The following NKAIN2 variants were observed in gnomAD, a reference collection of about 807,000 sequenced individuals.
The protein encoded by NKAIN2 is sodium/potassium-transporting ATPase subunit beta-1-interacting protein 2.
In NKAIN2, 14 loss-of-function variants were observed where a neutral mutation model predicts 32.6. The observed-to-expected ratio is 0.43, with a 90% CI of 0.28 to 0.67. NKAIN2 has a LOEUF of 0.67. NKAIN2 is among the 30% of genes least tolerant of loss of function. NKAIN2 has a pLI of 0.17. For synonymous variants in NKAIN2, 80 were observed against 87.2 expected (o/e 0.92, Z 0.46); for missense variants, 198 against 258.3 (o/e 0.77, Z 1.60).
At chr6:124,508,560 G>T (rs1474349300) in intron 3 of NKAIN2, among the ~76,000 whole-genome samples, 2 of 151,868 alleles carry the variant, frequency 1.3e-5, no homozygotes, top group African/African-American at 4.8e-5. Flanking sequence ...AGCCAGAATG[G>T]TCTCGATCTC....
At chr6:123,904,627 G>T (rs898353149) in intron 1 of NKAIN2, among the ~76,000 whole-genome samples, 1 of 152,220 alleles carries the variant, frequency 6.6e-6, no homozygotes, top group Non-Finnish European at 1.5e-5. Context: ...GGGGAAGGGG[G>T]TGAGAAAGAT....
chr6:124,779,788 G>A (rs1490648049), intron 4 of NKAIN2, among the ~76,000 whole-genome samples: 1 of 152,104 alleles, frequency 6.6e-6, no homozygotes, highest in Non-Finnish European at 1.5e-5. Context: ...GTGCTACCCA[G>A]ATGATTCACA....
chr6:123,873,720 T>G (rs1351805189), intron 1 of NKAIN2, among the ~76,000 whole-genome samples: 1 of 152,104 alleles, frequency 6.6e-6, no homozygotes, highest in Non-Finnish European at 1.5e-5. Context: ...AAGAGTGAAC[T>G]CACAGATTCC....
intron 4 of NKAIN2, among the ~76,000 whole-genome samples, chr6:124,748,813 C>A (rs147230786): frequency 5.1e-4 from 76 of 150,252 alleles, no homozygotes; most frequent in African/African-American, 1.8e-3. Flanking sequence ...AGTTGAGAAC[C>A]ATTTGCTACT....
At chr6:124,371,811 A>C (rs1181412954) in intron 3 of NKAIN2, among the ~76,000 whole-genome samples, 1 of 151,860 alleles carries the variant, frequency 6.6e-6, no homozygotes, top group Non-Finnish European at 1.5e-5. Flanking sequence ...AATGTGATTT[A>C]TGAGGGTTAC....
rs887656970 is a variant in NKAIN2 at position 124,405,622 on chromosome 6, C to T, written c.273+50275C>T. On this transcript the variant is annotated intron_variant, in intron 3 of 6. Transcript: ENST00000368417. Reference sequence around the variant, plus strand: ...CTCAAACTCCTGGGCTCAAGTTGTCCTCCCGACTCTGCCTCCCGAAGAGCT... The same window carrying T: ...CTCAAACTCCTGGGCTCAAGTTGTCTTCCCGACTCTGCCTCCCGAAGAGCT... Among the ~76,000 whole-genome samples the T allele has an allele frequency of 2.6e-5, 4 of 150,986 alleles. No individual in the cohort carries two copies. The East Asian group carries it at 5.8e-4, about 22-fold the overall frequency.
chr6:124,270,035 C>T (rs116121680), intron 1 of NKAIN2, among the ~76,000 whole-genome samples: 1,546 of 152,286 alleles, frequency 0.01, 26 homozygotes, highest in African/African-American at 0.035. Context: ...GATGCTTTCA[C>T]TTGAGGAAGG....
At chr6:124,526,138 T>G (rs1433824267) in intron 3 of NKAIN2, among the ~76,000 whole-genome samples, 1 of 151,846 alleles carries the variant, frequency 6.6e-6, no homozygotes. Flanking sequence ...TATATAAAGG[T>G]GCAAAAGCAA....
chr6:124,744,963 T>C lies in NKAIN2; in HGVS notation c.475-46376T>C, dbSNP rs17052327. 1.0e-3 allele frequency among the ~76,000 whole-genome samples: 157 copies of C among 151,918 alleles called. 1 individual carries two copies. The highest frequency in any genetic ancestry group is 6.8e-3 in the Middle Eastern group (2 of 294). ...ACTCCACTTTCCAGTAAAGGGCAAA[T>C]GTCTCACACAATTAACAAAGATTCC... is the stretch of plus-strand genomic sequence containing the variant. On this transcript the variant is annotated intron_variant, in intron 4 of 6. Transcript: ENST00000368417.
At chr6:123,917,592 G>T (rs1174485843) in intron 1 of NKAIN2, among the ~76,000 whole-genome samples, 1 of 152,090 alleles carries the variant, frequency 6.6e-6, no homozygotes, top group Non-Finnish European at 1.5e-5. Context: ...TTGGCACATT[G>T]CCCTTCTGTG....
At chr6:124,811,814 C>A (rs997263278) in intron 5 of NKAIN2, among the ~76,000 whole-genome samples, 2 of 152,234 alleles carry the variant, frequency 1.3e-5, no homozygotes, top group African/African-American at 4.8e-5. Context: ...CCAAACTTAT[C>A]AAATTGCACA....
In NKAIN2 at chr6:124,019,046, G is replaced by A. The variant is rs568308878; in HGVS notation, c.54+214792G>A. 2.3e-3 allele frequency among the ~76,000 whole-genome samples: 348 copies of A among 152,246 alleles called. 2 individuals carry two copies. The highest frequency in any genetic ancestry group is 7.9e-3 in the African/African-American group (330 of 41,542). ...AAGCAAAGGCATGTCTTCCATGGTG[G>A]CAGGCAAGAGGGAGTGTGAAGGAGA... On this transcript the variant is annotated intron_variant, in intron 1 of 6. Coordinates refer to ENST00000368417, the MANE Select transcript of NKAIN2 (RefSeq NM_001040214.3).
At chr6:124,034,024 A>T (rs1444417530) in intron 1 of NKAIN2, among the ~76,000 whole-genome samples, 1 of 152,088 alleles carries the variant, frequency 6.6e-6, no homozygotes, top group East Asian at 1.9e-4. Flanking sequence ...CATTTTTATA[A>T]TAATATTACT....
intron 1 of NKAIN2, among the ~76,000 whole-genome samples, chr6:124,159,230 T>G (rs1788146982): frequency 6.6e-6 from 1 of 152,198 alleles, no homozygotes; most frequent in Non-Finnish European, 1.5e-5. Context: ...GAATTTTATT[T>G]TTTAGTTTTG....
chr6:124,606,808 T>C (rs1782517983), intron 3 of NKAIN2, among the ~76,000 whole-genome samples: 1 of 152,146 alleles, frequency 6.6e-6, no homozygotes, highest in South Asian at 2.1e-4. Context: ...GATCACTCTG[T>C]TCACATCATC....
At chr6:124,365,202 T>G (rs1799471243) in intron 3 of NKAIN2, among the ~76,000 whole-genome samples, 1 of 151,786 alleles carries the variant, frequency 6.6e-6, no homozygotes, top group African/African-American at 2.4e-5. Context: ...ATAAATATAT[T>G]AAATGTAAAT....
intron 3 of NKAIN2, among the ~76,000 whole-genome samples, chr6:124,448,324 A>G (rs907563439): frequency 6.6e-6 from 1 of 152,156 alleles, no homozygotes; most frequent in Non-Finnish European, 1.5e-5. Flanking sequence ...ACAACTTGCC[A>G]TCAGACATTA....
intron 3 of NKAIN2, among the ~76,000 whole-genome samples, chr6:124,523,476 C>G (rs1317961003): frequency 7.1e-6 from 1 of 141,624 alleles, no homozygotes; most frequent in East Asian, 2.2e-4. Context: ...CAAGGATTCA[C>G]CGAGAAAAAT....
At chr6:124,692,705 A>G (rs1202005206) in intron 4 of NKAIN2, among the ~76,000 whole-genome samples, 2 of 151,946 alleles carry the variant, frequency 1.3e-5, no homozygotes, top group Non-Finnish European at 2.9e-5. Flanking sequence ...TGTCCCAGCT[A>G]CTCAAAAGGC....
Sources: allele counts gnomAD v4.1 joint callset (sites outside exome capture counted in the v4.1 genomes callset), GRCh38; gene constraint gnomAD v4.1.1; transcripts MANE v1.5; gene names NCBI Gene and HGNC (gene_info 2026-07-23, HGNC 2026-07-21).